The following FAM13C variants were observed in gnomAD, a reference collection of about 807,000 sequenced individuals.
FAM13C encodes the protein protein FAM13C.
Under a neutral mutation model 73.2 loss-of-function variants are expected in FAM13C, and 37 were observed. The observed-to-expected ratio is 0.51, with a 90% confidence interval of 0.39 to 0.67. The LOEUF (loss-of-function observed/expected upper bound fraction) is 0.67, where lower values mean the gene tolerates loss of function less well. Among genes scored for constraint, FAM13C ranks in the 30% least tolerant of loss-of-function variants. The probability of loss-of-function intolerance (pLI) is 0.00; values close to 1 mark genes in which losing one functional copy is unlikely to be tolerated. For missense variants in FAM13C, 589 were observed against 715.6 expected (o/e 0.82, Z 2.02); for synonymous variants, 246 against 260.9 (o/e 0.94, Z 0.55).
chr10:59,328,786 G>A (rs1228980051), intron 3 of FAM13C, among the ~76,000 whole-genome samples: 1 of 152,116 alleles, frequency 6.6e-6, no homozygotes, highest in South Asian at 2.1e-4. Flanking sequence ...TATTGTTAAT[G>A]CCTTGCATTT....
At chr10:59,315,358 T>C (rs1849398837) in intron 4 of FAM13C, among the ~76,000 whole-genome samples, 1 of 152,186 alleles carries the variant, frequency 6.6e-6, no homozygotes, top group South Asian at 2.1e-4. Context: ...TGTAACTGCT[T>C]TTTTCCACTT....
chr10:59,309,341 A>G (rs1440833328), intron 4 of FAM13C, among the ~76,000 whole-genome samples: 1 of 152,078 alleles, frequency 6.6e-6, no homozygotes, highest in Non-Finnish European at 1.5e-5. Flanking sequence ...TCCTCAGGCC[A>G]CCGTTCACAC....
In FAM13C at chr10:59,247,261, C is replaced by T. The variant is rs573637797; in HGVS notation, c.*353G>A. The T allele has an allele frequency of 5.3e-6, 1 of 190,054 alleles. No individual in the cohort carries two copies. The highest frequency in any genetic ancestry group is 6.3e-5 in the Admixed American group (1 of 15,944). The allele number at this position is 190,054 out of a possible 1,614,324, so 11.8% of individuals were successfully genotyped here. On this transcript the variant is annotated 3_prime_UTR_variant, in exon 14 of 14. Coordinates refer to ENST00000618804, the MANE Select transcript of FAM13C (RefSeq NM_198215.4). ...GCTCTTTTCCATACATCAACATAAA[C>T]AGTCTTTGGATACTAAATAAACTTT...
At chr10:59,355,594 C>T (rs1379678843) in intron 2 of FAM13C, among the ~76,000 whole-genome samples, 1 of 152,166 alleles carries the variant, frequency 6.6e-6, no homozygotes, top group East Asian at 1.9e-4. Context: ...AATCTACAGC[C>T]TCTTCCTTTA....
In FAM13C at chr10:59,252,939, T is replaced by G; in HGVS notation, c.1392A>C (p.Ala464=). The G allele has an allele frequency of 6.2e-7, 1 of 1,614,142 alleles. No homozygotes were observed. The highest frequency in any genetic ancestry group is 8.5e-7 in the Non-Finnish European group (1 of 1,180,008). ...RPQGSQQPSL[A]DPASHLPVGD... ...CAACAGGAAGGTGAGATGCTGGATC[T>G]GCCAAAGAAGGTTGTTGGCTTCCCT... The change falls in exon 12 of 14, where the codon GCA becomes GCC. Residue 464 remains alanine (A), a synonymous_variant. Coordinates refer to ENST00000618804, the MANE Select transcript of FAM13C (RefSeq NM_198215.4).
intron 5 of FAM13C, among the ~76,000 whole-genome samples, chr10:59,293,630 T>C (rs1846544923): frequency 6.6e-6 from 1 of 152,178 alleles, no homozygotes; most frequent in Non-Finnish European, 1.5e-5. Flanking sequence ...AAAATTCAGC[T>C]CTTGTCTCTC....
intron 10 of FAM13C, among the ~76,000 whole-genome samples, chr10:59,258,497 T>G (rs1035125584): frequency 6.6e-6 from 1 of 152,004 alleles, no homozygotes; most frequent in African/African-American, 2.4e-5. Context: ...AAATTTAAAA[T>G]AAAAAGGAAT....
At chr10:59,345,487 T>C (rs1436624636) in intron 3 of FAM13C, among the ~76,000 whole-genome samples, 1 of 152,242 alleles carries the variant, frequency 6.6e-6, no homozygotes, top group African/African-American at 2.4e-5. Context: ...CTGAATATAT[T>C]TGTATATTTC....
chr10:59,349,271 G>A (rs1477309901), intron 3 of FAM13C, among the ~76,000 whole-genome samples: 1 of 152,156 alleles, frequency 6.6e-6, no homozygotes, highest in African/African-American at 2.4e-5. Context: ...GCTACAGTTT[G>A]TGTCTTTGGC....
At chr10:59,361,065 C>A (rs1359006270) in intron 1 of FAM13C, 2 of 1,289,106 alleles carry the variant, frequency 1.6e-6, no homozygotes, top group African/African-American at 1.5e-5. Flanking sequence ...TCATCTTCGG[C>A]CTGCAGATGC....
At chr10:59,323,184 C>T (rs542067635) in intron 4 of FAM13C, 1 of 152,338 alleles carries the variant, frequency 6.6e-6, no homozygotes, top group Admixed American at 6.5e-5. Flanking sequence ...GCTATGATTA[C>T]ACTGTACACA....
intron 4 of FAM13C, among the ~76,000 whole-genome samples, chr10:59,304,274 A>G (rs1847950045): frequency 6.6e-6 from 1 of 152,096 alleles, no homozygotes; most frequent in Non-Finnish European, 1.5e-5. Flanking sequence ...AGGGATGGGT[A>G]GTTTGCAAAA....
chr10:59,275,978 G>T (rs1325707911), intron 6 of FAM13C, among the ~76,000 whole-genome samples: 1 of 152,122 alleles, frequency 6.6e-6, no homozygotes, highest in Non-Finnish European at 1.5e-5. Context: ...AAAACAAGGG[G>T]TTAATGCAAA....
Position 59,251,562 on chromosome 10 carries a change from T to C in FAM13C, c.1634+13A>G. The C allele has an allele frequency of 6.2e-7, 1 of 1,609,578 alleles. No homozygotes were observed. Among genetic ancestry groups the C allele is most frequent in the Non-Finnish European group, 8.5e-7 (1 of 1,175,910 alleles). The stretch of plus-strand genomic sequence containing the variant: ...GAAGTATTAGCTTTAAAAATCTCTC[T>C]GCCGACACATACCTTCCTGTTTGTT... On this transcript the variant is annotated intron_variant, in intron 13 of 13. Coordinates refer to ENST00000618804, the MANE Select transcript of FAM13C (RefSeq NM_198215.4).
intron 6 of FAM13C, among the ~76,000 whole-genome samples, chr10:59,271,065 G>T (rs1358048907): frequency 6.6e-6 from 1 of 152,186 alleles, no homozygotes; most frequent in Non-Finnish European, 1.5e-5. Flanking sequence ...GGGGCCAGAA[G>T]AAGGAGCTCT....
chr10:59,362,660 G>A (rs1243323939), upstream of FAM13C: 5 of 1,271,050 alleles, frequency 3.9e-6, no homozygotes, highest in African/African-American at 1.5e-5. Flanking sequence ...CCGGCAGCCC[G>A]CGAGGCTGCG....
At chr10:59,260,992 T>C (rs1564487712) in intron 10 of FAM13C, among the ~76,000 whole-genome samples, 1 of 152,160 alleles carries the variant, frequency 6.6e-6, no homozygotes, top group African/African-American at 2.4e-5. Flanking sequence ...CTCTACTATA[T>C]CAATCCCAGC....
At chr10:59,264,036 G>T in intron 9 of FAM13C, 49 bp downstream of exon 9, 1 of 1,548,730 alleles carries the variant, frequency 6.5e-7, no homozygotes, top group Non-Finnish European at 8.9e-7. Flanking sequence ...ATTATCACTA[G>T]TTTAACTGCT....
chr10:59,344,560 G>A (rs544836096), intron 3 of FAM13C, among the ~76,000 whole-genome samples: 1 of 152,192 alleles, frequency 6.6e-6, no homozygotes, highest in South Asian at 2.1e-4. Context: ...GGGATTACAG[G>A]CTTGAGCCAT....
Sources: allele counts gnomAD v4.1 joint callset (sites outside exome capture counted in the v4.1 genomes callset), GRCh38; gene constraint gnomAD v4.1.1; transcripts MANE v1.5; gene names NCBI Gene and HGNC (gene_info 2026-07-23, HGNC 2026-07-21).